Variants in MACROD2 observed in about 807,000 individuals in gnomAD.
MACROD2 encodes mono-ADP ribosylhydrolase 2.
Under a neutral mutation model 70.4 loss-of-function variants are expected in MACROD2, and 36 were observed. That is an observed-to-expected ratio of 0.51 (90% CI 0.39 to 0.68). The LOEUF (loss-of-function observed/expected upper bound fraction) is 0.68, where lower values mean the gene tolerates loss of function less well. Among genes scored for constraint, MACROD2 ranks in the 30% least tolerant of loss-of-function variants. The pLI is 0.00. For synonymous variants in MACROD2, 172 were observed against 178.8 expected (o/e 0.96, Z 0.30); for missense variants, 496 against 538.4 (o/e 0.92, Z 0.78).
intron 3 of MACROD2, among the ~76,000 whole-genome samples, chr20:14,175,849 A>G (rs537812551): frequency 3.9e-5 from 6 of 152,346 alleles, no homozygotes; most frequent in Admixed American, 2.6e-4. Flanking sequence ...TTAATAACAT[A>G]AACTTTGAGA....
At chr20:14,320,946 T>C (rs1462130411) in intron 3 of MACROD2, among the ~76,000 whole-genome samples, 1 of 152,154 alleles carries the variant, frequency 6.6e-6, no homozygotes, top group East Asian at 1.9e-4. Flanking sequence ...AGGTCTTCCT[T>C]GAGCTATTCA....
chr20:14,580,729 G>A (rs1396619110), intron 4 of MACROD2, among the ~76,000 whole-genome samples: 1 of 152,198 alleles, frequency 6.6e-6, no homozygotes, highest in East Asian at 1.9e-4. Context: ...TTCTACCAAA[G>A]AAAGGAAGCT....
At chr20:15,951,787 A>G (rs1056970622) in intron 12 of MACROD2, among the ~76,000 whole-genome samples, 1 of 152,180 alleles carries the variant, frequency 6.6e-6, no homozygotes, top group Non-Finnish European at 1.5e-5. Context: ...AAGCATGTAA[A>G]CCCATTACAC....
intron 7 of MACROD2, among the ~76,000 whole-genome samples, chr20:15,475,342 T>C (rs1421027067): frequency 6.6e-6 from 1 of 152,182 alleles, no homozygotes; most frequent in Non-Finnish European, 1.5e-5. Flanking sequence ...TCCTGGATGA[T>C]GAATCTGCAA....
intron 5 of MACROD2, among the ~76,000 whole-genome samples, chr20:15,202,991 C>T (rs2076669943): frequency 6.6e-6 from 1 of 152,076 alleles, no homozygotes; most frequent in African/African-American, 2.4e-5. Context: ...TATTAAGTTT[C>T]TGTTACTTTG....
intron 2 of MACROD2, among the ~76,000 whole-genome samples, chr20:14,071,222 A>G (rs192309668): frequency 1.3e-5 from 2 of 151,352 alleles, no homozygotes; most frequent in Non-Finnish European, 1.5e-5. Flanking sequence ...TGCTTTTGAA[A>G]TAAAGACAGT....
chr20:15,327,109 AT>A (rs1162629694), intron 6 of MACROD2, among the ~76,000 whole-genome samples: 4 of 152,064 alleles, frequency 2.6e-5, no homozygotes, highest in African/African-American at 9.7e-5. Context: ...AAATGTTTGT[AT>A]TTTTTTGCTA....
chr20:14,277,697 TA>T (rs966763945), intron 3 of MACROD2, among the ~76,000 whole-genome samples: 50 of 150,274 alleles, frequency 3.3e-4, no homozygotes, highest in South Asian at 8.4e-4. Context: ...ATTGTACTCT[TA>T]AAAAAAAAGA....
At chr20:14,383,331 G>C (rs1373222978) in intron 3 of MACROD2, among the ~76,000 whole-genome samples, 2 of 150,810 alleles carry the variant, frequency 1.3e-5, no homozygotes, top group South Asian at 4.2e-4. Flanking sequence ...TTTTTTTTTG[G>C]AACTCCGTGA....
At chr20:14,967,416 G>A (rs1035255718) in intron 5 of MACROD2, among the ~76,000 whole-genome samples, 4 of 152,044 alleles carry the variant, frequency 2.6e-5, no homozygotes, top group East Asian at 3.9e-4. Context: ...CGCCCGCCTC[G>A]GCCTCCCAAA....
chr20:15,349,149 C>T (rs149707634), intron 6 of MACROD2, among the ~76,000 whole-genome samples: 401 of 152,128 alleles, frequency 2.6e-3, no homozygotes, highest in Non-Finnish European at 4.0e-3. Flanking sequence ...CCACCCAGTG[C>T]GTTGTGTTAT....
intron 3 of MACROD2, among the ~76,000 whole-genome samples, chr20:14,461,730 C>G (rs1468784091): frequency 2.6e-5 from 4 of 151,080 alleles, no homozygotes; most frequent in Non-Finnish European, 5.9e-5. Flanking sequence ...TGTTCAATTC[C>G]CACCTATGAG....
At chr20:14,130,094 AC>A (rs2054698813) in intron 3 of MACROD2, among the ~76,000 whole-genome samples, 1 of 152,232 alleles carries the variant, frequency 6.6e-6, no homozygotes, top group South Asian at 2.1e-4. Context: ...CAAGAATCTT[AC>A]CATGGGGACT....
chr20:14,130,991 C>T (rs1276221233), intron 3 of MACROD2, among the ~76,000 whole-genome samples: 1 of 143,612 alleles, frequency 7.0e-6, no homozygotes, highest in Non-Finnish European at 1.5e-5. Flanking sequence ...GTAGCTCAAT[C>T]ATAGCTTACT....
At chr20:15,991,850 G>T (rs558455791) in intron 15 of MACROD2, among the ~76,000 whole-genome samples, 4 of 152,154 alleles carry the variant, frequency 2.6e-5, no homozygotes, top group African/African-American at 4.8e-5. Context: ...AAAAATGCTG[G>T]TCTCTGTTTG....
At chr20:14,420,132 C>T (rs1473435534) in intron 3 of MACROD2, among the ~76,000 whole-genome samples, 1 of 147,846 alleles carries the variant, frequency 6.8e-6, no homozygotes, top group African/African-American at 2.5e-5. Flanking sequence ...GGCCCATTTA[C>T]CTCTGTCCTA....
chr20:14,241,550 G>A (rs2081929783), intron 3 of MACROD2, among the ~76,000 whole-genome samples: 1 of 151,972 alleles, frequency 6.6e-6, no homozygotes, highest in South Asian at 2.1e-4. Context: ...ATACATATAA[G>A]CATATATGTA....
intron 5 of MACROD2, among the ~76,000 whole-genome samples, chr20:15,063,982 G>A (rs2075554390): frequency 6.6e-6 from 1 of 152,128 alleles, no homozygotes; most frequent in Admixed American, 6.5e-5. Flanking sequence ...TTTTCGTTAA[G>A]TCTAAATTTC....
At chr20:14,230,688 T>TGCC (rs2081801115) in intron 3 of MACROD2, among the ~76,000 whole-genome samples, 1 of 124,574 alleles carries the variant, frequency 8.0e-6, no homozygotes, top group Non-Finnish European at 1.6e-5. Context: ...TATATATATA[T>TGCC]ATATATATAT....
Sources: allele counts gnomAD v4.1 joint callset (sites outside exome capture counted in the v4.1 genomes callset), GRCh38; gene constraint gnomAD v4.1.1; transcripts MANE v1.5; gene names NCBI Gene and HGNC (gene_info 2026-07-23, HGNC 2026-07-21).